PTPN4: variants seen among roughly 807,000 people sequenced by gnomAD.
PTPN4 encodes tyrosine-protein phosphatase non-receptor type 4.
In PTPN4, 49 loss-of-function variants were observed where a neutral mutation model predicts 135.5. The observed-to-expected ratio is 0.36, with a 90% CI of 0.29 to 0.46. The LOEUF (loss-of-function observed/expected upper bound fraction) is 0.46. Ranked by LOEUF, PTPN4 falls within the 20% of genes least tolerant of loss-of-function variation. The pLI, the probability that PTPN4 is intolerant of heterozygous loss-of-function variation, is 1.00. For missense variants in PTPN4, 860 were observed against 1,101.0 expected (o/e 0.78, Z 3.10); for synonymous variants, 333 against 369.9 (o/e 0.90, Z 1.14).
intron 9 of PTPN4, among the ~76,000 whole-genome samples, chr2:119,886,828 T>TA (rs1437955756): frequency 2.0e-5 from 3 of 152,216 alleles, no homozygotes; most frequent in East Asian, 1.9e-4. Flanking sequence ...CATTAGTTCT[T>TA]ATGTTTCACA....
intron 1 of PTPN4, among the ~76,000 whole-genome samples, chr2:119,807,185 A>G (rs1691488290): frequency 6.6e-6 from 1 of 152,198 alleles, no homozygotes; most frequent in Admixed American, 6.5e-5. Flanking sequence ...AGCAAGAGCA[A>G]ACACATTCAA....
At chr2:119,965,732 T>G in intron 25 of PTPN4, 87 bp downstream of exon 25, 1 of 1,427,802 alleles carries the variant, frequency 7.0e-7, no homozygotes, top group Non-Finnish European at 9.5e-7. Flanking sequence ...CTTATGGTGT[T>G]ATTGTCACTG....
intron 1 of PTPN4, among the ~76,000 whole-genome samples, chr2:119,777,381 G>A (rs1300617512): frequency 6.6e-6 from 1 of 152,066 alleles, no homozygotes; most frequent in Non-Finnish European, 1.5e-5. Flanking sequence ...GTTCTCCTTT[G>A]CTTACCACCT....
At chr2:119,976,191 G>A (rs1445667529) in intron 26 of PTPN4, among the ~76,000 whole-genome samples, 1 of 151,664 alleles carries the variant, frequency 6.6e-6, no homozygotes, top group Non-Finnish European at 1.5e-5. Context: ...TAGAGACGGG[G>A]TTTCACCGTG....
intron 26 of PTPN4, among the ~76,000 whole-genome samples, chr2:119,971,560 G>C (rs1679535565): frequency 6.6e-6 from 1 of 151,968 alleles, no homozygotes; most frequent in South Asian, 2.1e-4. Flanking sequence ...TTTTTTTTAT[G>C]TTTTCTGGAT....
chr2:119,931,745 C>T (rs1472228837), intron 13 of PTPN4, among the ~76,000 whole-genome samples: 1 of 151,948 alleles, frequency 6.6e-6, no homozygotes, highest in African/African-American at 2.4e-5. Context: ...CATCCAAGAT[C>T]TTTTTTTAAA....
At chr2:119,894,511 A>T (rs1239146834) in intron 9 of PTPN4, among the ~76,000 whole-genome samples, 1 of 152,228 alleles carries the variant, frequency 6.6e-6, no homozygotes, top group Non-Finnish European at 1.5e-5. Flanking sequence ...TTGCATTCTC[A>T]TACTCCATTA....
chr2:119,902,131 A>G (rs962597459), intron 10 of PTPN4, among the ~76,000 whole-genome samples: 14 of 152,232 alleles, frequency 9.2e-5, no homozygotes, highest in Admixed American at 9.2e-4. Flanking sequence ...CTTACACACT[A>G]TCATAGTCAT....
intron 1 of PTPN4, among the ~76,000 whole-genome samples, chr2:119,782,537 A>G (rs995270955): frequency 1.3e-5 from 2 of 152,126 alleles, no homozygotes; most frequent in Admixed American, 6.6e-5. Flanking sequence ...AAAAAGTTCT[A>G]TCATTTTACA....
chr2:119,779,616 CAA>C (rs547628386), intron 1 of PTPN4, among the ~76,000 whole-genome samples: 11 of 60,120 alleles, frequency 1.8e-4, no homozygotes, highest in South Asian at 6.0e-4. Context: ...GACTCCGTCT[CAA>C]AAAAAAAAAA....
At chr2:119,829,030 T>A (rs907377780) in intron 2 of PTPN4, among the ~76,000 whole-genome samples, 1 of 152,220 alleles carries the variant, frequency 6.6e-6, no homozygotes, top group African/African-American at 2.4e-5. Context: ...TCCACCACCC[T>A]TTATTCATTG....
At chr2:119,791,658 C>G (rs1691151037) in intron 1 of PTPN4, among the ~76,000 whole-genome samples, 1 of 152,132 alleles carries the variant, frequency 6.6e-6, no homozygotes, top group Non-Finnish European at 1.5e-5. Context: ...TTGCCTTGTA[C>G]TGTAATTGAG....
At chr2:119,845,016 C>G (rs1248251122) in intron 2 of PTPN4, among the ~76,000 whole-genome samples, 1 of 149,622 alleles carries the variant, frequency 6.7e-6, no homozygotes, top group Non-Finnish European at 1.5e-5. Context: ...CTCGGGAGGC[C>G]GAGGTTGGCG....
chr2:119,840,246 A>T (rs1430081523), intron 2 of PTPN4, among the ~76,000 whole-genome samples: 1 of 152,070 alleles, frequency 6.6e-6, no homozygotes, highest in Non-Finnish European at 1.5e-5. Context: ...GGTATTCTTG[A>T]TACTCTCCTT....
At chr2:119,882,786 A>G (rs1003250424) in intron 8 of PTPN4, among the ~76,000 whole-genome samples, 163 bp downstream of exon 8, 2 of 152,166 alleles carry the variant, frequency 1.3e-5, no homozygotes, top group Admixed American at 1.3e-4. Flanking sequence ...CTAAAAAACG[A>G]TTTCATAGAA....
chr2:119,852,975 A>G (rs1206251966), intron 2 of PTPN4, among the ~76,000 whole-genome samples: 1 of 152,200 alleles, frequency 6.6e-6, no homozygotes, highest in East Asian at 1.9e-4. Context: ...ATTTCATTAT[A>G]GTCACAGAAC....
chr2:119,911,682 C>T (rs991899461), intron 10 of PTPN4, among the ~76,000 whole-genome samples: 1 of 151,604 alleles, frequency 6.6e-6, no homozygotes, highest in Non-Finnish European at 1.5e-5. Context: ...GAATAAAAGG[C>T]AAACAAATGG....
Position 119,808,771 on chromosome 2 carries a change from C to T in PTPN4, c.-17-1066C>T, listed in dbSNP as rs549917338. On this transcript the variant is annotated intron_variant, in intron 1 of 26. Transcript: ENST00000263708. ...TACTTGGCAAGCGTCTCCTTGTCAA[C>T]ATAGTAAGACTTTTTTCCCCTACAT... Among the ~76,000 whole-genome samples the T allele has an allele frequency of 5.3e-5, 8 of 152,268 alleles. No individual in the cohort carries two copies. In the South Asian group the frequency reaches 1.7e-3, roughly 32 times the overall value.
intron 19 of PTPN4, among the ~76,000 whole-genome samples, chr2:119,953,671 C>T (rs892500857): frequency 2.6e-5 from 4 of 151,978 alleles, no homozygotes; most frequent in Non-Finnish European, 5.9e-5. Flanking sequence ...ATAATATTAG[C>T]TAATAGTTAT....
Sources: allele counts gnomAD v4.1 joint callset (sites outside exome capture counted in the v4.1 genomes callset), GRCh38; gene constraint gnomAD v4.1.1; transcripts MANE v1.5; gene names NCBI Gene and HGNC (gene_info 2026-07-23, HGNC 2026-07-21).